EFNA2: variants seen among roughly 807,000 people sequenced by gnomAD.
EFNA2 encodes ephrin-A2.
EFNA2 carries 18 observed loss-of-function variants against 19.7 expected under a neutral mutation model. The ratio of observed to expected loss-of-function variants is 0.91; its 90% CI spans 0.63 to 1.35. The LOEUF (loss-of-function observed/expected upper bound fraction) is 1.35. Among genes scored for constraint, EFNA2 ranks in the 40% most tolerant of loss-of-function variants. EFNA2 has a pLI of 0.00. For missense variants in EFNA2, 303 were observed against 296.0 expected, an observed-to-expected ratio of 1.02 and a Z score of -0.17; for synonymous variants, 187 against 137.8, an observed-to-expected ratio of 1.36 and a Z score of -2.50.
At chr19:1,284,901 C>T (rs982508221), upstream of EFNA2, among the ~76,000 whole-genome samples, 2 of 152,224 alleles carry the variant, frequency 1.3e-5, no homozygotes. The surrounding 1 kb of genome is among the most constrained non-coding windows in gnomAD (Gnocchi z 5.3). Flanking sequence ...TGACAGCCTA[C>T]CCTCCACAAG....
Position 1,299,938 on chromosome 19 carries a change from G to T in EFNA2, c.635G>T (p.Gly212Val). ...ATCCCCGTGCTCTGGACCCTCCTGG[G>T]TTCCTAGTCCCAGCCCCGCAGGACG... ...STIPVLWTLL[G>V]S Residue 212 changes from glycine (G) to valine (V), a missense_variant, in exon 4 of 4, where the codon GGT becomes GTT. Physicochemically the swap from Gly to Val is moderately radical, Grantham distance 109 (BLOSUM62 -3). Transcript: ENST00000215368. The T allele has an allele frequency of 6.2e-7, 1 of 1,601,198 alleles. No individual in the cohort carries two copies. Among genetic ancestry groups the T allele is most frequent in the Non-Finnish European group, 8.5e-7 (1 of 1,178,422 alleles).
chr19:1,291,146 A>T (rs1381394090), intron 1 of EFNA2, among the ~76,000 whole-genome samples: 1 of 152,180 alleles, frequency 6.6e-6, no homozygotes, highest in African/African-American at 2.4e-5. Flanking sequence ...AGCCAGGGAC[A>T]GCCCTGGGAG....
chr19:1,300,078 G>A lies in EFNA2; in HGVS notation c.*133G>A. On this transcript the variant is annotated 3_prime_UTR_variant, in exon 4 of 4. Transcript: ENST00000215368. Reference sequence around the variant, plus strand: ...CGCTGCTTCTCCCTCGCCTGGTGCCGCCCCCGCCGGGCAGGGGCCATCCAC... The same window carrying A: ...CGCTGCTTCTCCCTCGCCTGGTGCCACCCCCGCCGGGCAGGGGCCATCCAC... 1 of 1,290,210 alleles carries A rather than the reference G, an allele frequency of 7.8e-7. No homozygotes were observed. The highest frequency in any genetic ancestry group is 2.7e-5 in the East Asian group (1 of 36,418). The allele number at this position is 1,290,210 out of a possible 1,614,324, so 79.9% of individuals were successfully genotyped here. A position where few individuals can be genotyped will look rare whatever the true frequency, so the allele number is the denominator to read the frequency against.
In EFNA2 at chr19:1,286,689, C is replaced by T. The variant is rs993358493; in HGVS notation, c.140+381C>T. On this transcript the variant is annotated intron_variant, in intron 1 of 3. Transcript: ENST00000215368. The surrounding 1 kb of genome is among the most constrained non-coding windows in gnomAD (Gnocchi z 5.6). ...CACCCGCTTCTCTGGGGAGCCCCCT[C>T]GGTTTCGCATTTGGTGGGGATCCCC... Among the ~76,000 whole-genome samples the T allele has an allele frequency of 6.6e-5, 10 of 152,164 alleles. No individual in the cohort carries two copies. Among genetic ancestry groups the T allele is most frequent in the African/African-American group, 2.4e-4 (10 of 41,436 alleles).
Position 1,297,741 on chromosome 19 carries a change from A to T in EFNA2, c.455-810A>T, listed in dbSNP as rs2081522286. Among the ~76,000 whole-genome samples the T allele has an allele frequency of 6.6e-6, 1 of 152,090 alleles. No individual in the cohort carries two copies. Among genetic ancestry groups the T allele is most frequent in the South Asian group, 2.1e-4 (1 of 4,826 alleles). On this transcript the variant is annotated intron_variant, in intron 2 of 3. Coordinates refer to ENST00000215368, the MANE Select transcript of EFNA2 (RefSeq NM_001405.4). The surrounding 1 kb of genome is among the most constrained non-coding windows in gnomAD (Gnocchi z 5.0). Reference sequence around the variant, plus strand: ...TGGGGGCCCGAAAGCAGGGGCGGTGATGCTGGAATTTTGGGCGTAAGAACC... The same window carrying T: ...TGGGGGCCCGAAAGCAGGGGCGGTGTTGCTGGAATTTTGGGCGTAAGAACC...
rs973224708 is a variant in EFNA2, at chr19:1,287,642, G to A, written c.140+1334G>A. Among the ~76,000 whole-genome samples the A allele has an allele frequency of 1.3e-5, 2 of 152,140 alleles. No homozygotes were observed. Among genetic ancestry groups the A allele is most frequent in the African/African-American group, 4.8e-5 (2 of 41,428 alleles). On this transcript the variant is annotated intron_variant, in intron 1 of 3. Transcript: ENST00000215368. The surrounding 1 kb of genome is among the most constrained non-coding windows in gnomAD (Gnocchi z 6.2). ...GGTCAACGGCCTCGGGTCGGGCCCTGGGGGCTGAGGGCAGGGACCCCGGGC... is the reference window on the plus strand; with the variant it reads ...GGTCAACGGCCTCGGGTCGGGCCCTAGGGGCTGAGGGCAGGGACCCCGGGC...
At chr19:1,291,222 C>T (rs923809966) in intron 1 of EFNA2, among the ~76,000 whole-genome samples, 1 of 152,156 alleles carries the variant, frequency 6.6e-6, no homozygotes, top group South Asian at 2.1e-4. Flanking sequence ...CCCACGGTGA[C>T]GGAAGCCCAG....
chr19:1,297,633 C>T lies in EFNA2; in HGVS notation c.455-918C>T, dbSNP rs561764188. 2.0e-5 allele frequency among the ~76,000 whole-genome samples: 3 copies of T among 152,140 alleles called. No homozygotes were observed. The highest frequency in any genetic ancestry group is 4.2e-4 in the South Asian group (2 of 4,818). On this transcript the variant is annotated intron_variant, in intron 2 of 3. Coordinates refer to ENST00000215368, the MANE Select transcript of EFNA2 (RefSeq NM_001405.4). This position sits in a 1 kb window ranked among gnomAD's most constrained non-coding sequence, Gnocchi z 5.0. ...CTGTTCGATTGTCCACACGTGTGCA[C>T]ACCCCAGCGGCCCCGGCTTCAGGCG...
chr19:1,297,095 C>T lies in EFNA2; in HGVS notation c.454+1237C>T, dbSNP rs904260730. 5.3e-5 allele frequency among the ~76,000 whole-genome samples: 8 copies of T among 152,170 alleles called. No individual in the cohort carries two copies. The highest frequency in any genetic ancestry group is 2.0e-4 in the Admixed American group (3 of 15,284). On this transcript the variant is annotated intron_variant, in intron 2 of 3. Transcript: ENST00000215368. The surrounding 1 kb of genome is among the most constrained non-coding windows in gnomAD (Gnocchi z 5.0). ...ATGGCATCACACTCGTGGCTTCCGCCGTGGCGCTGAGACTGAGGGATTCTC... is the reference window on the plus strand; with the variant it reads ...ATGGCATCACACTCGTGGCTTCCGCTGTGGCGCTGAGACTGAGGGATTCTC...
At chr19:1,299,478 C>A (rs1415225624) in intron 3 of EFNA2, among the ~76,000 whole-genome samples, 2 of 151,926 alleles carry the variant, frequency 1.3e-5, no homozygotes, top group Non-Finnish European at 2.9e-5. Flanking sequence ...ATCGCCTGAA[C>A]CCGGGAGGCG....
intron 1 of EFNA2, among the ~76,000 whole-genome samples, chr19:1,292,607 A>G (rs2081496549): frequency 6.6e-6 from 1 of 152,202 alleles, no homozygotes. Context: ...GAACAGGGAC[A>G]GCCGGGAGGC....
chr19:1,299,202 C>T (rs2081529166), intron 3 of EFNA2, among the ~76,000 whole-genome samples: 1 of 151,982 alleles, frequency 6.6e-6, no homozygotes, highest in South Asian at 2.1e-4. Flanking sequence ...TGCGCCACTG[C>T]TCTCCAGTCT....
At chr19:1,289,464 C>A (rs992342475) in intron 1 of EFNA2, among the ~76,000 whole-genome samples, 11 of 152,302 alleles carry the variant, frequency 7.2e-5, no homozygotes, top group African/African-American at 2.6e-4. Context: ...CAATGGCAAC[C>A]CCGCTGTTGG....
In EFNA2 at chr19:1,295,801, T is replaced by C. The variant is rs778040086; in HGVS notation, c.397T>C (p.Phe133Leu). 25 of 1,608,026 alleles carry C rather than the reference T, an allele frequency of 1.6e-5. No individual in the cohort carries two copies. The highest frequency in any genetic ancestry group is 2.0e-5 in the Non-Finnish European group (24 of 1,178,400). The change falls in exon 2 of 4, where the codon TTC becomes CTC. Residue 133 changes from phenylalanine to leucine, a missense_variant. Transcript: ENST00000215368. This position sits in a 1 kb window ranked among gnomAD's most constrained non-coding sequence, Gnocchi z 5.8. The stretch of plus-strand genomic sequence containing the variant: ...CAAGTTCTCGGAGAAGTTCCAGCTC[T>C]TCACGCCCTTCTCCCTGGGCTTCGA... Reference protein sequence around the residue: ...PLKFSEKFQLFTPFSLGFEFR... With the variant: ...PLKFSEKFQLLTPFSLGFEFR...
Position 1,286,580 on chromosome 19 carries a change from C to T in EFNA2, c.140+272C>T, listed in dbSNP as rs1160894223. Among the ~76,000 whole-genome samples, 2 of 152,154 alleles carry T rather than the reference C, an allele frequency of 1.3e-5. No homozygotes were observed. The highest frequency in any genetic ancestry group is 2.4e-5 in the African/African-American group (1 of 41,464). ...ACATCCCCCAGAGCGCCGACGTCTC[C>T]TGGAGTTTGGGGAACCCCTCTGGTA... On this transcript the variant is annotated intron_variant, in intron 1 of 3. Transcript: ENST00000215368. The surrounding 1 kb of genome is among the most constrained non-coding windows in gnomAD (Gnocchi z 5.6).
At chr19:1,299,511 G>C (rs991514639) in intron 3 of EFNA2, among the ~76,000 whole-genome samples, 2 of 151,366 alleles carry the variant, frequency 1.3e-5, no homozygotes, top group Non-Finnish European at 2.9e-5. Context: ...AGCCCAGATT[G>C]CGCCACTGCA....
rs1409064143 is a variant in EFNA2 at position 1,300,800 on chromosome 19, C to T, written c.*855C>T. Among the ~76,000 whole-genome samples the T allele has an allele frequency of 6.6e-6, 1 of 152,202 alleles. No individual in the cohort carries two copies. Among genetic ancestry groups the T allele is most frequent in the African/African-American group, 2.4e-5 (1 of 41,446 alleles). ...CTGCTTTGGCCGATGCAAACAGCCCCCTACCCGTCCCCCTCGCCTCACACG... is the reference window on the plus strand; with the variant it reads ...CTGCTTTGGCCGATGCAAACAGCCCTCTACCCGTCCCCCTCGCCTCACACG... On this transcript the variant is annotated 3_prime_UTR_variant, in exon 4 of 4. Transcript: ENST00000215368.
At position 1,300,051 on chromosome 19, in the gene EFNA2, G is replaced by A. The variant is rs1344170818; in HGVS notation, c.*106G>A. 1.4e-6 allele frequency: 2 copies of A among 1,403,512 alleles called. No individual in the cohort carries two copies. The highest frequency in any genetic ancestry group is 1.9e-6 in the Non-Finnish European group (2 of 1,068,086). 86.9% of individuals were successfully genotyped at this position (1,403,512 alleles called of 1,614,324 possible). ...GCCCCCGCCTCCGAGACCAAATAGA[G>A]ACGCTGCTTCTCCCTCGCCTGGTGC... On this transcript the variant is annotated 3_prime_UTR_variant, in exon 4 of 4. Coordinates refer to ENST00000215368, the MANE Select transcript of EFNA2 (RefSeq NM_001405.4).
At chr19:1,291,038 G>A (rs1342832688) in intron 1 of EFNA2, among the ~76,000 whole-genome samples, 3 of 152,170 alleles carry the variant, frequency 2.0e-5, no homozygotes, top group African/African-American at 7.2e-5. Flanking sequence ...CCAATTCAGG[G>A]ACAGAGCAGC....
Sources: gnomAD v4.1 joint callset for allele counts (sites outside exome capture counted in the v4.1 genomes callset) on GRCh38, gnomAD v4.1.1 for gene constraint, Gnocchi (gnomAD v3.1) non-coding constraint, MANE v1.5 for transcripts, NCBI Gene and HGNC (gene_info 2026-07-23, HGNC 2026-07-21) for gene names.